The following STIM1 variants were observed in gnomAD, a reference collection of about 807,000 sequenced individuals.
The protein encoded by STIM1 is stromal interaction molecule 1.
A neutral mutation model predicts 74.7 loss-of-function variants in STIM1; 25 were observed. The observed-to-expected ratio is 0.33, with a 90% CI of 0.24 to 0.47. STIM1 has a LOEUF of 0.47. Among genes scored for constraint, STIM1 ranks in the 20% least tolerant of loss-of-function variants. The pLI is 1.00. For missense variants in STIM1, 728 were observed against 920.8 expected (o/e 0.79, Z 2.71); for synonymous variants, 328 against 348.8 (o/e 0.94, Z 0.66).
At chr11:3,928,844 T>C (rs1284289873) in intron 1 of STIM1, among the ~76,000 whole-genome samples, 2 of 152,094 alleles carry the variant, frequency 1.3e-5, no homozygotes, top group East Asian at 1.9e-4. Context: ...CTAACAACTT[T>C]ATGATTCTTG....
chr11:3,984,778 C>T (rs2093541954), intron 2 of STIM1, among the ~76,000 whole-genome samples: 1 of 152,214 alleles, frequency 6.6e-6, no homozygotes, highest in Non-Finnish European at 1.5e-5. Context: ...GACTCACTTT[C>T]CTCATCTATA....
intron 2 of STIM1, among the ~76,000 whole-genome samples, chr11:3,977,791 T>C (rs2093462980): frequency 6.6e-6 from 1 of 152,164 alleles, no homozygotes; most frequent in African/African-American, 2.4e-5. Flanking sequence ...AAGAGGGATG[T>C]TGTGAGACAT....
intron 2 of STIM1, among the ~76,000 whole-genome samples, chr11:3,975,378 A>T (rs1470500236): frequency 6.6e-6 from 1 of 152,238 alleles, no homozygotes; most frequent in African/African-American, 2.4e-5. Context: ...ACACTTTGGG[A>T]GGCTGAGGCA....
chr11:4,060,742 CTAAATGGAGA>C (rs2094325167), intron 5 of STIM1, among the ~76,000 whole-genome samples: 1 of 152,188 alleles, frequency 6.6e-6, no homozygotes, highest in Non-Finnish European at 1.5e-5. Context: ...GTACTTCTAT[CTAAATGGAGA>C]TAGCTATGTC....
At chr11:3,973,298 TC>T in intron 2 of STIM1, 1 of 470,354 alleles carries the variant, frequency 2.1e-6, no homozygotes, top group Non-Finnish European at 4.2e-6. Flanking sequence ...CACCAGAGTT[TC>T]CAGAACCATT....
intron 1 of STIM1, among the ~76,000 whole-genome samples, chr11:3,880,591 T>C (rs534897387): frequency 3.3e-5 from 5 of 152,356 alleles, no homozygotes; most frequent in Admixed American, 3.3e-4. Context: ...ATTTTAGTTA[T>C]TTCTGAAACC....
chr11:4,005,117 A>C (rs957077844), intron 2 of STIM1, among the ~76,000 whole-genome samples: 8 of 152,162 alleles, frequency 5.3e-5, no homozygotes, highest in African/African-American at 1.4e-4. Context: ...TAATAGGAAC[A>C]CTTTTACACT....
At chr11:3,870,161 G>A (rs908850756) in intron 1 of STIM1, among the ~76,000 whole-genome samples, 1 of 152,108 alleles carries the variant, frequency 6.6e-6, no homozygotes, top group African/African-American at 2.4e-5. Flanking sequence ...GAGTTTTCTG[G>A]GGTCCAAAGA....
intron 1 of STIM1, among the ~76,000 whole-genome samples, chr11:3,942,159 G>A (rs960923140): frequency 1.3e-5 from 2 of 152,180 alleles, no homozygotes; most frequent in African/African-American, 4.8e-5. Context: ...TTGATCATTG[G>A]TGAGCACTGC....
In STIM1 at chr11:3,903,618, T is replaced by C. The variant is rs539479104; in HGVS notation, c.139+47209T>C. The C allele has an allele frequency of 2.6e-5, 4 of 152,268 alleles. No homozygotes were observed. In the South Asian group the frequency reaches 8.3e-4, roughly 32 times the overall value. 9.4% of individuals were successfully genotyped at this position (152,268 alleles called of 1,614,324 possible). A position where few individuals can be genotyped will look rare whatever the true frequency, so the allele number is the denominator to read the frequency against. On this transcript the variant is annotated intron_variant, in intron 1 of 12. Transcript: ENST00000526596. ...GGGGCCCCAGGAACCAGGTAGGAAA[T>C]AGCTCTTGTGGGGTCAGTCCATCTG...
intron 1 of STIM1, among the ~76,000 whole-genome samples, chr11:3,900,989 A>G (rs1050910313): frequency 2.0e-5 from 3 of 152,224 alleles, no homozygotes; most frequent in Non-Finnish European, 4.4e-5. Context: ...TCAGGAGTTC[A>G]AGACTAGCCT....
chr11:4,061,887 G>A (rs545501676), intron 5 of STIM1, among the ~76,000 whole-genome samples: 1 of 152,260 alleles, frequency 6.6e-6, no homozygotes, highest in African/African-American at 2.4e-5. Context: ...AGACACAAAA[G>A]ATCACATATT....
At chr11:3,920,184 G>C (rs768112388) in intron 1 of STIM1, among the ~76,000 whole-genome samples, 2 of 151,498 alleles carry the variant, frequency 1.3e-5, no homozygotes, top group African/African-American at 2.4e-5. Context: ...TGGTTTCAAA[G>C]TCCTGCCTTC....
At chr11:3,941,711 C>T (rs1301381989) in intron 1 of STIM1, among the ~76,000 whole-genome samples, 1 of 127,450 alleles carries the variant, frequency 7.8e-6, no homozygotes, top group African/African-American at 2.8e-5. Context: ...GTGTGTGTCT[C>T]AGTGTCACTG....
intron 1 of STIM1, among the ~76,000 whole-genome samples, chr11:3,903,211 G>A (rs893716344): frequency 2.6e-5 from 4 of 152,174 alleles, no homozygotes; most frequent in African/African-American, 9.7e-5. Flanking sequence ...CTAATAAGTG[G>A]TAGAGGTGGG....
At chr11:4,035,755 A>G (rs1005584908) in intron 3 of STIM1, among the ~76,000 whole-genome samples, 2 of 151,204 alleles carry the variant, frequency 1.3e-5, no homozygotes, top group South Asian at 2.1e-4. Context: ...GTCCTAGGAC[A>G]TGGTCTATCT....
chr11:3,865,534 C>G (rs554366097), intron 1 of STIM1, among the ~76,000 whole-genome samples: 1 of 152,244 alleles, frequency 6.6e-6, no homozygotes, highest in Admixed American at 6.5e-5. Context: ...AGCTAGAAAG[C>G]TTTTTTATTA....
chr11:3,869,981 C>G lies in STIM1; in HGVS notation c.139+13572C>G, dbSNP rs367743370. On this transcript the variant is annotated intron_variant, in intron 1 of 12. Coordinates refer to ENST00000526596, the MANE Select transcript of STIM1 (RefSeq NM_001382567.1). ...GTGGGTCATGAAGAGACTGGTGGTG[C>G]CATTAGCAGAAAATATATGGCAGTC... Among the ~76,000 whole-genome samples, 50 of 152,140 alleles carry G rather than the reference C, an allele frequency of 3.3e-4. No homozygotes were observed. The East Asian group carries it at 6.6e-3, about 20-fold the overall frequency.
chr11:3,880,351 A>T (rs1163510927), intron 1 of STIM1, among the ~76,000 whole-genome samples: 1 of 152,188 alleles, frequency 6.6e-6, no homozygotes, highest in East Asian at 1.9e-4. Context: ...ATTAGTGATG[A>T]CTACCTTGGA....
Sources: allele counts gnomAD v4.1 joint callset (sites outside exome capture counted in the v4.1 genomes callset), GRCh38; gene constraint gnomAD v4.1.1; transcripts MANE v1.5; gene names NCBI Gene and HGNC (gene_info 2026-07-23, HGNC 2026-07-21).